The following DDX46 variants were observed in gnomAD, a reference collection of about 807,000 sequenced individuals.
DDX46 encodes probable ATP-dependent RNA helicase DDX46.
DDX46 carries 30 observed loss-of-function variants against 134.9 expected under a neutral mutation model. The observed-to-expected ratio is 0.22, with a 90% CI of 0.17 to 0.30. DDX46 has a LOEUF of 0.30. DDX46 is among the 10% of genes least tolerant of loss of function. The pLI, the probability that DDX46 is intolerant of heterozygous loss-of-function variation, is 1.00. For synonymous variants in DDX46, 415 were observed against 404.1 expected (o/e 1.03, Z -0.32); for missense variants, 622 against 1,248.7 (o/e 0.50, Z 7.56).
intron 2 of DDX46, among the ~76,000 whole-genome samples, chr5:134,764,893 C>G (rs1753514479): frequency 6.6e-6 from 1 of 151,262 alleles, no homozygotes; most frequent in Non-Finnish European, 1.5e-5. Flanking sequence ...CTCCCTTCCT[C>G]CCTCACTCTT....
intron 5 of DDX46, among the ~76,000 whole-genome samples, chr5:134,775,034 G>A (rs1476305424): frequency 2.0e-5 from 3 of 151,928 alleles, no homozygotes; most frequent in Non-Finnish European, 2.9e-5. Flanking sequence ...TGGCCAGGCC[G>A]GTCTTGAACT....
At chr5:134,773,903 G>T in intron 5 of DDX46, 42 bp downstream of exon 5, 1 of 1,487,136 alleles carries the variant, frequency 6.7e-7, no homozygotes, top group Non-Finnish European at 9.0e-7. Flanking sequence ...ACCTCATGTA[G>T]AATATTATAT....
chr5:134,791,883 A>T (rs1754513723), intron 13 of DDX46, among the ~76,000 whole-genome samples: 2 of 152,292 alleles, frequency 1.3e-5, no homozygotes, highest in South Asian at 4.1e-4. Context: ...AGTTAAAATG[A>T]TATTTAGCTT....
At chr5:134,759,453 A>G (rs561556471) in intron 1 of DDX46, among the ~76,000 whole-genome samples, 74 of 152,256 alleles carry the variant, frequency 4.9e-4, no homozygotes, top group African/African-American at 1.6e-3. Context: ...TACAATAAAT[A>G]CTTGTTGCGT....
Position 134,829,398 on chromosome 5 carries a change from T to TA in DDX46, c.*693dup, listed in dbSNP as rs1755676167. On this transcript the variant is annotated 3_prime_UTR_variant, in exon 23 of 23. Transcript: ENST00000452510. ...CCCTCACAACTTCTGGCTCCATACC[T>TA]AGCCCCTCTTTTATAATCTTCCTTA... 1 of 152,218 alleles carries TA rather than the reference T, an allele frequency of 6.6e-6. No homozygotes were observed. The highest frequency in any genetic ancestry group is 2.4e-5 in the African/African-American group (1 of 41,462). The allele number at this position is 152,218 out of a possible 1,614,324, so 9.4% of individuals were successfully genotyped here. A position where few individuals can be genotyped will look rare whatever the true frequency, so the allele number is the denominator to read the frequency against.
chr5:134,797,186 A>C (rs1172157194), intron 15 of DDX46: 9 of 291,152 alleles, frequency 3.1e-5, no homozygotes, highest in Non-Finnish European at 5.9e-5. Context: ...AAAAAAAAAA[A>C]AAAAAAAAAA....
rs1378110042 is a variant in DDX46 at position 134,767,139 on chromosome 5, G to A, written c.350+79G>A. On this transcript the variant is annotated intron_variant, in intron 3 of 22. Transcript: ENST00000452510. ...CTCTGCGCCTTTTTTTTTTTTCCCT[G>A]TAAGTTTGTATTTATAGAGAATTAA... 9 of 1,474,290 alleles carry A rather than the reference G, an allele frequency of 6.1e-6. No individual in the cohort carries two copies. In the Admixed American group the frequency reaches 2.3e-4, roughly 37 times the overall value. 91.3% of individuals were successfully genotyped at this position (1,474,290 alleles called of 1,614,324 possible).
intron 15 of DDX46, among the ~76,000 whole-genome samples, chr5:134,798,456 G>T (rs1375760340): frequency 6.6e-6 from 1 of 152,084 alleles, no homozygotes; most frequent in Admixed American, 6.6e-5. Context: ...ACTTGCCTTG[G>T]CCTCCCAAAG....
chr5:134,781,280 A>G (rs1385682246), intron 7 of DDX46, 34 bp downstream of exon 7: 3 of 1,501,218 alleles, frequency 2.0e-6, no homozygotes, highest in Non-Finnish European at 2.7e-6. Flanking sequence ...TGTTTATGAT[A>G]CTATCCTGGA....
intron 17 of DDX46, 125 bp from the exon 18 acceptor site, chr5:134,811,571 T>A: frequency 1.7e-6 from 2 of 1,169,580 alleles, no homozygotes; most frequent in Non-Finnish European, 2.4e-6. Context: ...TAGTTTATCT[T>A]ACATGCTAGA....
chr5:134,776,605 AGGGATCAACTG>A (rs1753944057), intron 5 of DDX46, among the ~76,000 whole-genome samples: 1 of 152,094 alleles, frequency 6.6e-6, no homozygotes, highest in Admixed American at 6.6e-5. Flanking sequence ...TATGTTGTTC[AGGGATCAACTG>A]TAATTGAAAA....
chr5:134,796,114 A>T lies in DDX46; in HGVS notation c.1918A>T (p.Met640Leu). Residue 640 changes from methionine to leucine, a missense_variant, in exon 15 of 23, where the codon ATG becomes TTG. Transcript: ENST00000452510. ...TGCTGATGGTCTTCTTAAGGATTTA[A>T]TGAGAGCATCTTATCCTTGCATGTC... Reference protein sequence around the residue: ...EHADGLLKDLMRASYPCMSLH... With the variant: ...EHADGLLKDLLRASYPCMSLH... 6.2e-7 allele frequency: 1 copy of T among 1,613,848 alleles called. No homozygotes were observed. Among genetic ancestry groups the T allele is most frequent in the Non-Finnish European group, 8.5e-7 (1 of 1,179,938 alleles).
At chr5:134,765,192 T>A (rs907022537) in intron 2 of DDX46, among the ~76,000 whole-genome samples, 2 of 151,272 alleles carry the variant, frequency 1.3e-5, no homozygotes, top group African/African-American at 4.9e-5. Context: ...CCTCAGCCTC[T>A]TGAGTAACTG....
chr5:134,811,022 A>G (rs1405760969), intron 16 of DDX46, among the ~76,000 whole-genome samples, 199 bp from the exon 17 acceptor site: 1 of 152,182 alleles, frequency 6.6e-6, no homozygotes, highest in Non-Finnish European at 1.5e-5. Flanking sequence ...ATAAAAAACA[A>G]CAAAAAATAA....
chr5:134,796,197 C>A, intron 15 of DDX46, 47 bp downstream of exon 15: 4 of 1,587,994 alleles, frequency 2.5e-6, no homozygotes, highest in Non-Finnish European at 3.4e-6. Context: ...TAAGTACTTG[C>A]CAAGCATTGT....
Position 134,784,486 on chromosome 5 carries a change from C to T in DDX46, c.1287C>T (p.Pro429=). The T allele has an allele frequency of 6.2e-7, 1 of 1,613,992 alleles. No individual in the cohort carries two copies. The highest frequency in any genetic ancestry group is 1.7e-5 in the Admixed American group (1 of 59,998). Residue 429 remains proline, a synonymous_variant, in exon 10 of 23, where the codon CCC becomes CCT. Coordinates refer to ENST00000452510, the MANE Select transcript of DDX46 (RefSeq NM_001300860.2). The part of the protein sequence containing the change: ...GSGKTIAFLL[P]MFRHIMDQRS... ...GAAAGACCATTGCTTTTCTGTTGCC[C>T]ATGTTTAGACACATCATGGATCAGA...
At chr5:134,767,859 A>G (rs1030467552) in intron 3 of DDX46, among the ~76,000 whole-genome samples, 6 of 151,478 alleles carry the variant, frequency 4.0e-5, no homozygotes, top group African/African-American at 1.5e-4. Flanking sequence ...CTGAGGCCGG[A>G]GAATCGCTTG....
At chr5:134,806,966 T>C (rs1755006183) in intron 15 of DDX46, among the ~76,000 whole-genome samples, 1 of 152,172 alleles carries the variant, frequency 6.6e-6, no homozygotes, top group African/African-American at 2.4e-5. Flanking sequence ...CCTAAAACTT[T>C]AATTTGCATA....
At chr5:134,771,462 G>C (rs540309010) in intron 4 of DDX46, among the ~76,000 whole-genome samples, 26 of 144,932 alleles carry the variant, frequency 1.8e-4, no homozygotes, top group Non-Finnish European at 3.2e-4. Context: ...GGAGGCCGAG[G>C]CGGGTGGATC....
Sources: allele counts gnomAD v4.1 joint callset (sites outside exome capture counted in the v4.1 genomes callset), GRCh38; gene constraint gnomAD v4.1.1; transcripts MANE v1.5; gene names NCBI Gene and HGNC (gene_info 2026-07-23, HGNC 2026-07-21).